Variants in FRK observed in about 807,000 individuals in gnomAD.
The protein encoded by FRK is fyn related Src family tyrosine kinase.
A neutral mutation model predicts 56.4 loss-of-function variants in FRK; 51 were observed. The ratio of observed to expected loss-of-function variants is 0.90; its 90% CI spans 0.72 to 1.14. The LOEUF (loss-of-function observed/expected upper bound fraction) is 1.14, where lower values mean the gene tolerates loss of function less well. FRK is among the 50% of genes most tolerant of loss of function. The pLI is 0.00. For missense variants in FRK, 570 were observed against 601.4 expected, an observed-to-expected ratio of 0.95 and a Z score of 0.55; for synonymous variants, 245 against 217.9, an observed-to-expected ratio of 1.12 and a Z score of -1.10.
At chr6:116,065,527 C>A (rs1346069461), upstream of FRK, among the ~76,000 whole-genome samples, 3 of 152,208 alleles carry the variant, frequency 2.0e-5, no homozygotes, top group Non-Finnish European at 2.9e-5. Flanking sequence ...ACCCCAACTT[C>A]TCTCCCTTTT....
intron 2 of FRK, among the ~76,000 whole-genome samples, chr6:115,982,932 C>A (rs1284933245): frequency 6.6e-6 from 1 of 151,874 alleles, no homozygotes; most frequent in South Asian, 2.1e-4. Flanking sequence ...TTTAGCCAGG[C>A]ATGGTGGCAC....
the FRK span, among the ~76,000 whole-genome samples, chr6:116,070,307 G>A: frequency 6.6e-6 from 1 of 152,050 alleles, no homozygotes; most frequent in African/African-American, 2.4e-5. Context: ...GGCTAGCATA[G>A]GTGGCAGGGT....
chr6:116,007,928 G>A (rs1443575728), intron 1 of FRK, among the ~76,000 whole-genome samples: 1 of 151,964 alleles, frequency 6.6e-6, no homozygotes, highest in Non-Finnish European at 1.5e-5. Context: ...TTCTAAGTAT[G>A]TTTTTATTTG....
At chr6:116,008,819 A>C (rs1775353198) in intron 1 of FRK, among the ~76,000 whole-genome samples, 1 of 152,132 alleles carries the variant, frequency 6.6e-6, no homozygotes, top group African/African-American at 2.4e-5. Flanking sequence ...AAGATATCCT[A>C]GGAGTATAAA....
Position 116,060,459 on chromosome 6 carries a change from TC to T in FRK, c.-149del. 1 of 638,234 alleles carries T rather than the reference TC, an allele frequency of 1.6e-6. No individual in the cohort carries two copies. Among genetic ancestry groups the T allele is most frequent in the Non-Finnish European group, 2.7e-6 (1 of 371,568 alleles). 39.5% of individuals were successfully genotyped at this position (638,234 alleles called of 1,614,324 possible). A position where few individuals can be genotyped will look rare whatever the true frequency, so the allele number is the denominator to read the frequency against. The stretch of plus-strand genomic sequence containing the variant: ...TATGCAAAGTCCCGTTTCAGATCAG[TC>T]CAGCAGCTGGGTTGCAGCAAGTCCT... On this transcript the variant is annotated 5_prime_UTR_variant, in exon 1 of 8. Transcript: ENST00000606080.
At chr6:116,044,845 A>G (rs1378248232) in intron 1 of FRK, among the ~76,000 whole-genome samples, 2 of 152,238 alleles carry the variant, frequency 1.3e-5, no homozygotes, top group Non-Finnish European at 2.9e-5. Flanking sequence ...CCACTGTCTC[A>G]GCCCAAAATT....
chr6:115,988,353 C>T (rs1367937571), intron 2 of FRK, among the ~76,000 whole-genome samples: 2 of 151,854 alleles, frequency 1.3e-5, no homozygotes, highest in East Asian at 3.9e-4. Context: ...AAACTAGGTG[C>T]CTAAACCATT....
intron 2 of FRK, among the ~76,000 whole-genome samples, chr6:115,998,867 T>A (rs574676618): frequency 6.6e-6 from 1 of 152,330 alleles, no homozygotes; most frequent in East Asian, 1.9e-4. Context: ...GTAGTCACTT[T>A]TCAATTATCT....
intron 5 of FRK, 57 bp from the exon 6 acceptor site, chr6:115,944,482 G>C: frequency 7.1e-7 from 1 of 1,402,744 alleles, no homozygotes. Context: ...AACTATGAAA[G>C]TGAATTCTGA....
At chr6:116,039,306 C>A in intron 1 of FRK, 1 of 1,438,050 alleles carries the variant, frequency 7.0e-7, no homozygotes, top group Non-Finnish European at 9.8e-7. Flanking sequence ...AGGAAGTACA[C>A]GAGAAGTTCT....
In FRK at chr6:115,941,318, G is replaced by A. The variant is rs997721623; in HGVS notation, c.*1096C>T. On this transcript the variant is annotated 3_prime_UTR_variant, in exon 8 of 8. Transcript: ENST00000606080. ...TGAGAACATATGGACACAAGGAGGGGAACATCACATACTGGGGCCTGTCAG... is the reference window on the plus strand; with the variant it reads ...TGAGAACATATGGACACAAGGAGGGAAACATCACATACTGGGGCCTGTCAG... 1.3e-5 allele frequency: 2 copies of A among 151,848 alleles called. No individual in the cohort carries two copies. The highest frequency in any genetic ancestry group is 4.8e-5 in the African/African-American group (2 of 41,314). 9.4% of individuals were successfully genotyped at this position (151,848 alleles called of 1,614,324 possible).
intron 2 of FRK, among the ~76,000 whole-genome samples, chr6:116,001,570 A>G (rs930469885): frequency 6.6e-6 from 1 of 152,182 alleles, no homozygotes; most frequent in African/African-American, 2.4e-5. Context: ...GCCTTGGCCA[A>G]TCATGACTCA....
At chr6:115,977,069 A>C (rs2114626156) in intron 2 of FRK, among the ~76,000 whole-genome samples, 1 of 152,260 alleles carries the variant, frequency 6.6e-6, no homozygotes, top group South Asian at 2.1e-4. Context: ...ACTTTTCAAA[A>C]CCATTACAAA....
At chr6:116,044,418 G>A (rs1776857445) in intron 1 of FRK, among the ~76,000 whole-genome samples, 2 of 152,144 alleles carry the variant, frequency 1.3e-5, no homozygotes, top group Non-Finnish European at 2.9e-5. Flanking sequence ...CGGATGCAAG[G>A]CTTACTCAAC....
intron 2 of FRK, among the ~76,000 whole-genome samples, chr6:115,999,478 C>A (rs1774967716): frequency 6.6e-6 from 1 of 152,208 alleles, no homozygotes; most frequent in Non-Finnish European, 1.5e-5. Flanking sequence ...CAACCTTGGG[C>A]TGCTACTTCT....
At chr6:116,042,021 A>C (rs1776736654) in intron 1 of FRK, among the ~76,000 whole-genome samples, 1 of 152,226 alleles carries the variant, frequency 6.6e-6, no homozygotes, top group Non-Finnish European at 1.5e-5. Context: ...CTGCCAGCAC[A>C]GCAGTCTGAA....
intron 1 of FRK, among the ~76,000 whole-genome samples, chr6:116,014,059 T>G (rs1300046626): frequency 6.6e-6 from 1 of 152,174 alleles, no homozygotes; most frequent in Non-Finnish European, 1.5e-5. Flanking sequence ...ATTTTAACAC[T>G]CAGTGATGCA....
intron 2 of FRK, among the ~76,000 whole-genome samples, chr6:115,973,096 A>G (rs912525770): frequency 2.0e-5 from 3 of 152,218 alleles, no homozygotes; most frequent in Non-Finnish European, 4.4e-5. Flanking sequence ...TTCAAGAGCA[A>G]TATCATTTTC....
chr6:115,958,711 GAAAGAAAGAAAGA>G (rs1773162021), intron 4 of FRK, among the ~76,000 whole-genome samples: 2 of 9,456 alleles, frequency 2.1e-4, no homozygotes, highest in African/African-American at 7.4e-4. Context: ...AAAGAAGAAA[GAAAGAAAGAAAGA>G]AAGAAAGAAA....
Sources: gnomAD v4.1 joint callset for allele counts (sites outside exome capture counted in the v4.1 genomes callset) on GRCh38, gnomAD v4.1.1 for gene constraint, MANE v1.5 for transcripts, NCBI Gene and HGNC (gene_info 2026-07-23, HGNC 2026-07-21) for gene names.